Variants in BBS9 observed in about 807,000 individuals in gnomAD.
The protein encoded by BBS9 is protein PTHB1.
In BBS9, 89 loss-of-function variants were observed where a neutral mutation model predicts 117.7. That is an observed-to-expected ratio of 0.76 (90% confidence interval 0.64 to 0.90). The LOEUF is 0.90. Ranked by LOEUF, BBS9 falls within the 40% of genes least tolerant of loss-of-function variation. BBS9 has a pLI of 0.00. For synonymous variants in BBS9, 379 were observed against 370.9 expected, an observed-to-expected ratio of 1.02 and a Z score of -0.25; for missense variants, 982 against 1,042.2, an observed-to-expected ratio of 0.94 and a Z score of 0.80.
chr7:33,497,115 T>C (rs925264292), intron 19 of BBS9, among the ~76,000 whole-genome samples: 11 of 152,210 alleles, frequency 7.2e-5, no homozygotes, highest in Non-Finnish European at 5.9e-5. Context: ...ATCTGAAGAA[T>C]AAATTCATTT....
intron 20 of BBS9, among the ~76,000 whole-genome samples, chr7:33,514,426 T>A (rs1042257245): frequency 6.6e-6 from 1 of 152,134 alleles, no homozygotes. Flanking sequence ...TGGAGTTTGA[T>A]GGAAAACATA....
chr7:33,482,170 G>T (rs1842593554), intron 19 of BBS9, among the ~76,000 whole-genome samples: 1 of 152,032 alleles, frequency 6.6e-6, no homozygotes, highest in African/African-American at 2.4e-5. Context: ...TAGGAGAATG[G>T]GAACATACTG....
Position 33,388,153 on chromosome 7 carries a change from A to T in BBS9, c.2115+9A>T. 1 of 1,613,864 alleles carries T rather than the reference A, an allele frequency of 6.2e-7. No homozygotes were observed. Among genetic ancestry groups the T allele is most frequent in the Non-Finnish European group, 8.5e-7 (1 of 1,179,728 alleles). ...ATGGAACCTACAAGCAGGTCAGTAT[A>T]ATATCAGTAACAGTTTTCTATTACT... is the stretch of plus-strand genomic sequence containing the variant. On this transcript the variant is annotated intron_variant, in intron 19 of 22. Coordinates refer to ENST00000242067, the MANE Select transcript of BBS9 (RefSeq NM_198428.3).
At chr7:33,411,013 T>G (rs1229309814) in intron 19 of BBS9, among the ~76,000 whole-genome samples, 176 of 53,098 alleles carry the variant, frequency 3.3e-3, no homozygotes, top group African/African-American at 0.02. Context: ...ATGTTGGTGT[T>G]TTTTTTTTTT....
chr7:33,485,400 C>T (rs1198838810), intron 19 of BBS9, among the ~76,000 whole-genome samples: 1 of 150,662 alleles, frequency 6.6e-6, no homozygotes, highest in East Asian at 2.0e-4. Context: ...AGCTCCGCCT[C>T]CCGGGTTCAT....
intron 21 of BBS9, among the ~76,000 whole-genome samples, chr7:33,551,525 G>A (rs1854413844): frequency 6.6e-6 from 1 of 152,082 alleles, no homozygotes; most frequent in African/African-American, 2.4e-5. Flanking sequence ...TGTACACTTT[G>A]TACATTATTT....
At chr7:33,216,011 G>A (rs1425014382) in intron 5 of BBS9, among the ~76,000 whole-genome samples, 12 of 152,272 alleles carry the variant, frequency 7.9e-5, no homozygotes, top group East Asian at 1.9e-4. Flanking sequence ...AGCAGGGGAA[G>A]GGTTGTTATT....
chr7:33,429,382 T>C (rs886589673), intron 19 of BBS9, among the ~76,000 whole-genome samples: 2 of 152,198 alleles, frequency 1.3e-5, no homozygotes, highest in African/African-American at 4.8e-5. Context: ...TTTGCTTTGC[T>C]CCTTTTTCAA....
intron 5 of BBS9, among the ~76,000 whole-genome samples, chr7:33,233,693 C>G (rs1792922385): frequency 6.6e-6 from 1 of 152,110 alleles, no homozygotes. Flanking sequence ...AATCAAACAA[C>G]TGCTGATGCT....
At chr7:33,536,648 T>G (rs1388118381) in intron 21 of BBS9, among the ~76,000 whole-genome samples, 2 of 40,838 alleles carry the variant, frequency 4.9e-5, no homozygotes, top group Non-Finnish European at 1.2e-4. Context: ...AACCAGAGCC[T>G]CCTCCTGTGT....
rs563549177 is a variant in BBS9, at chr7:33,627,640, G to A, written c.2522-7537G>A. On this transcript the variant is annotated intron_variant, in intron 21 of 21. Transcript: ENST00000671952. ...TAGGCAGAGATGGCCAAAGTCTTAG[G>A]AGCCCACCCCTTGCATCAGTGTGGC... is the stretch of plus-strand genomic sequence containing the variant. Among the ~76,000 whole-genome samples, 27 of 152,332 alleles carry A rather than the reference G, an allele frequency of 1.8e-4. 1 individual carries two copies. In the East Asian group the frequency reaches 4.2e-3, roughly 24 times the overall value.
At chr7:33,502,217 A>G (rs975702863) in intron 19 of BBS9, among the ~76,000 whole-genome samples, 5 of 152,034 alleles carry the variant, frequency 3.3e-5, no homozygotes, top group Admixed American at 2.0e-4. Context: ...TTCAATATCT[A>G]TTCTTTAGGA....
chr7:33,512,364 G>A (rs545186899), intron 20 of BBS9, among the ~76,000 whole-genome samples: 1 of 152,232 alleles, frequency 6.6e-6, no homozygotes, highest in Admixed American at 6.5e-5. Flanking sequence ...AATATTGAAT[G>A]GTGCTTTAAT....
chr7:33,203,556 C>A (rs898649301), intron 5 of BBS9, among the ~76,000 whole-genome samples: 2 of 152,058 alleles, frequency 1.3e-5, no homozygotes, highest in Non-Finnish European at 2.9e-5. Flanking sequence ...TGGGGTACAG[C>A]TCAGGAATGT....
At chr7:33,611,634 TATTATA>T (rs1362971521) in intron 21 of BBS9, among the ~76,000 whole-genome samples, 1 of 100,054 alleles carries the variant, frequency 1.0e-5, no homozygotes, top group African/African-American at 6.1e-5. Flanking sequence ...TTAATAATAT[TATTATA>T]TAAGGTATAT....
chr7:33,421,151 G>A (rs889286999), intron 19 of BBS9, among the ~76,000 whole-genome samples: 8 of 151,940 alleles, frequency 5.3e-5, no homozygotes, highest in East Asian at 1.9e-4. Context: ...CTGTAGAACT[G>A]CCTGCTTTAA....
intron 20 of BBS9, among the ~76,000 whole-genome samples, chr7:33,528,622 C>G (rs902528117): frequency 6.6e-6 from 1 of 152,166 alleles, no homozygotes; most frequent in African/African-American, 2.4e-5. Context: ...GTCTCTTCCA[C>G]TTAAGATTTC....
At chr7:33,632,371 G>T (rs1865931528) in intron 21 of BBS9, among the ~76,000 whole-genome samples, 1 of 152,208 alleles carries the variant, frequency 6.6e-6, no homozygotes, top group African/African-American at 2.4e-5. Flanking sequence ...GGTGTGAATG[G>T]AAAGGCTTTG....
intron 4 of BBS9, among the ~76,000 whole-genome samples, chr7:33,157,088 G>A (rs1339567500): frequency 6.6e-6 from 1 of 152,092 alleles, no homozygotes; most frequent in East Asian, 1.9e-4. Flanking sequence ...GAAGCTCCAT[G>A]GGGGCTCTAA....
Sources: allele counts gnomAD v4.1 joint callset (sites outside exome capture counted in the v4.1 genomes callset), GRCh38; gene constraint gnomAD v4.1.1; transcripts MANE v1.5; gene names NCBI Gene and HGNC (gene_info 2026-07-23, HGNC 2026-07-21).